Variants in FSIP2 observed in about 807,000 individuals in gnomAD.
FSIP2 encodes the protein fibrous sheath interacting protein 2.
A neutral mutation model predicts 510.5 loss-of-function variants in FSIP2; 367 were observed. The ratio of observed to expected loss-of-function variants is 0.72; its 90% CI spans 0.66 to 0.78. FSIP2 has a LOEUF of 0.78. FSIP2 is among the 30% of genes least tolerant of loss of function. The pLI is 0.00. For missense variants in FSIP2, 7,594 were observed against 7,901.7 expected (o/e 0.96, Z 1.48); for synonymous variants, 2,601 against 2,732.2 (o/e 0.95, Z 1.50).
chr2:185,812,319 G>A (rs910957322), intron 17 of FSIP2, among the ~76,000 whole-genome samples: 8 of 152,076 alleles, frequency 5.3e-5, no homozygotes, highest in African/African-American at 1.9e-4. Flanking sequence ...ACTGGGTTTT[G>A]GACTTGTTTG....
chr2:185,761,194 G>A (rs1397876468), intron 10 of FSIP2, 91 bp downstream of exon 10: 27 of 464,778 alleles, frequency 5.8e-5, no homozygotes, highest in Non-Finnish European at 4.8e-5. Context: ...CAGCAGCATA[G>A]TACTGATTGT....
At chr2:185,775,746 C>A (rs1398431677) in intron 13 of FSIP2, among the ~76,000 whole-genome samples, 1 of 152,140 alleles carries the variant, frequency 6.6e-6, no homozygotes, top group Non-Finnish European at 1.5e-5. Context: ...TCACTGCAAC[C>A]CCTGCCTCCT....
chr2:185,772,105 C>A (rs543806190), intron 13 of FSIP2, among the ~76,000 whole-genome samples: 14 of 152,310 alleles, frequency 9.2e-5, no homozygotes, highest in African/African-American at 3.4e-4. Context: ...TTTCTCATTT[C>A]CATCTGAAAT....
At chr2:185,775,643 T>G (rs546590826) in intron 13 of FSIP2, among the ~76,000 whole-genome samples, 18 of 152,118 alleles carry the variant, frequency 1.2e-4, no homozygotes, top group Admixed American at 8.5e-4. Context: ...CTTCCAAAAT[T>G]GTGGGTTTTT....
Position 185,804,321 on chromosome 2 carries a change from T to A in FSIP2, c.15015T>A (p.Asp5005Glu), listed in dbSNP as rs193247095. The change falls in exon 17 of 23, where the codon GAT becomes GAA. Residue 5005 changes from aspartate to glutamate, a missense_variant. By Grantham distance (45) the Asp-to-Glu change is conservative. Coordinates refer to ENST00000424728, the MANE Select transcript of FSIP2 (RefSeq NM_173651.4). ...CCACATCAGAGATTTTAGTTGCAGA[T>A]AACTTTGATAAAAATTTGTGTTTCT... Reference protein sequence around the residue: ...EFTTSEILVADNFDKNLCFSE... With the variant: ...EFTTSEILVAENFDKNLCFSE... The A allele has an allele frequency of 1.6e-4, 238 of 1,508,994 alleles. No individual in the cohort carries two copies. The African/African-American group carries it at 2.6e-3, about 17-fold the overall frequency. 93.5% of individuals were successfully genotyped at this position (1,508,994 alleles called of 1,614,324 possible). A position where few individuals can be genotyped will look rare whatever the true frequency, so the allele number is the denominator to read the frequency against.
chr2:185,739,649 T>C (rs1691882326), intron 2 of FSIP2, among the ~76,000 whole-genome samples, 178 bp downstream of exon 2: 1 of 152,226 alleles, frequency 6.6e-6, no homozygotes, highest in Non-Finnish European at 1.5e-5. Context: ...TTCATCTTAA[T>C]GGTTTGGACA....
At chr2:185,764,452 TA>T in intron 12 of FSIP2, 49 bp from the exon 13 acceptor site, 3 of 1,209,078 alleles carry the variant, frequency 2.5e-6, no homozygotes, top group Non-Finnish European at 3.5e-6. Context: ...GTTTGAGTCC[TA>T]AAATTTTTTT....
chr2:185,822,333 A>C (rs934713488), intron 19 of FSIP2, among the ~76,000 whole-genome samples: 1 of 151,976 alleles, frequency 6.6e-6, no homozygotes, highest in Non-Finnish European at 1.5e-5. Context: ...ACACCAAAAA[A>C]ATTGTTATAA....
At chr2:185,741,360 T>C (rs1248989496) in intron 2 of FSIP2, among the ~76,000 whole-genome samples, 4 of 152,200 alleles carry the variant, frequency 2.6e-5, no homozygotes, top group Admixed American at 1.3e-4. Context: ...TGGTTAATAG[T>C]CACCTTTTAA....
In FSIP2 at chr2:185,795,166, C is replaced by T. The variant is rs1269756958; in HGVS notation, c.8030C>T (p.Thr2677Ile). 24 of 1,532,540 alleles carry T rather than the reference C, an allele frequency of 1.6e-5. No individual in the cohort carries two copies. Among genetic ancestry groups the T allele is most frequent in the Non-Finnish European group, 1.9e-5 (22 of 1,145,452 alleles). The allele number at this position is 1,532,540 out of a possible 1,614,324, so 94.9% of individuals were successfully genotyped here. A position where few individuals can be genotyped will look rare whatever the true frequency, so the allele number is the denominator to read the frequency against. The change falls in exon 16 of 23, where the codon ACA becomes ATA. Residue 2677 changes from threonine to isoleucine, a missense_variant. By Grantham distance (89) the Thr-to-Ile change is moderately conservative. Coordinates refer to ENST00000424728, the MANE Select transcript of FSIP2 (RefSeq NM_173651.4). The stretch of plus-strand genomic sequence containing the variant: ...AAAATTACCACTTTGCCTAAATTTA[C>T]AAAAAAAACACACTTAGGACTGAGT... The part of the protein sequence containing the change: ...RSKITTLPKF[T>I]KKTHLGLSAA...
chr2:185,743,663 A>G (rs1419159190), intron 3 of FSIP2, among the ~76,000 whole-genome samples: 2 of 152,204 alleles, frequency 1.3e-5, no homozygotes, highest in Non-Finnish European at 2.9e-5. Flanking sequence ...TTGAGATGAA[A>G]CAGAAACTTA....
chr2:185,761,158 C>A (rs1052771575), intron 10 of FSIP2, 55 bp downstream of exon 10: 3 of 670,606 alleles, frequency 4.5e-6, no homozygotes, highest in Non-Finnish European at 7.2e-6. Context: ...ATCTACTTAA[C>A]TTTTATTTCT....
At position 185,753,714 on chromosome 2, in the gene FSIP2, T is replaced by C; in HGVS notation, c.871-8T>C. The C allele has an allele frequency of 9.2e-7, 1 of 1,087,582 alleles. No individual in the cohort carries two copies. The highest frequency in any genetic ancestry group is 1.3e-6 in the Non-Finnish European group (1 of 770,580). 67.4% of individuals were successfully genotyped at this position (1,087,582 alleles called of 1,614,324 possible). A position where few individuals can be genotyped will look rare whatever the true frequency, so the allele number is the denominator to read the frequency against. On this transcript the variant is annotated splice_polypyrimidine_tract_variant and splice_region_variant and intron_variant, in intron 7 of 22. Transcript: ENST00000424728. ...ATATTAACCAATATATTTTCTTTAA[T>C]ATTGTAGAAACAAGATCTTCTAGAG...
Position 185,789,242 on chromosome 2 carries a change from G to C in FSIP2, c.2106G>C (p.Gly702=), listed in dbSNP as rs930371544. 6.5e-7 allele frequency: 1 copy of C among 1,534,412 alleles called. No individual in the cohort carries two copies. Among genetic ancestry groups the C allele is most frequent in the Non-Finnish European group, 8.7e-7 (1 of 1,145,820 alleles). Residue 702 remains glycine, a synonymous_variant, in exon 16 of 23, where the codon GGG becomes GGC. Transcript: ENST00000424728. ...VFVNFKCYLK[G]ETEVILESIL... is the part of the protein sequence containing the mutation. ...TTAACTTTAAATGTTACTTGAAAGG[G>C]GAAACTGAAGTGATTTTAGAAAGCA...
chr2:185,809,134 G>GT lies in FSIP2; in HGVS notation c.19827+2dup, dbSNP rs1559036836. On this transcript the variant is annotated splice_donor_variant, in intron 17 of 22. Coordinates refer to ENST00000424728, the MANE Select transcript of FSIP2 (RefSeq NM_173651.4). LOFTEE classifies it high-confidence loss of function. ...AAGACTGGATGTAAAACCCCTAGAGGTAAGTGCAAAAGCAATGGCATGAAA... is the reference window on the plus strand; with the variant it reads ...AAGACTGGATGTAAAACCCCTAGAGGTTAAGTGCAAAAGCAATGGCATGAAA... 6.5e-7 allele frequency: 1 copy of GT among 1,548,792 alleles called. No homozygotes were observed. Among genetic ancestry groups the GT allele is most frequent in the Non-Finnish European group, 8.7e-7 (1 of 1,155,538 alleles).
At chr2:185,759,421 A>G in intron 9 of FSIP2, among the ~76,000 whole-genome samples, 1 of 145,174 alleles carries the variant, frequency 6.9e-6, no homozygotes, top group South Asian at 2.1e-4. Flanking sequence ...AATATATATT[A>G]TTAACATATT....
chr2:185,820,947 C>A (rs948195636), intron 19 of FSIP2, among the ~76,000 whole-genome samples: 18 of 133,202 alleles, frequency 1.4e-4, no homozygotes, highest in Middle Eastern at 4.8e-3. Flanking sequence ...AAAGATTAGA[C>A]CAGGAATAAA....
Position 185,795,689 on chromosome 2 carries a change from G to C in FSIP2, c.8553G>C (p.Lys2851Asn). The part of the protein sequence containing the change: ...FDKWQTESND[K>N]ENEKCKLLMI... ...AGTGGCAAACAGAATCAAATGACAA[G>C]GAAAATGAAAAATGTAAGCTATTGA... is the stretch of plus-strand genomic sequence containing the variant. The change falls in exon 16 of 23, where the codon AAG becomes AAC. Residue 2851 changes from lysine to asparagine, a missense_variant. Physicochemically the swap from Lys to Asn is moderately conservative, Grantham distance 94. Transcript: ENST00000424728. The C allele has an allele frequency of 6.5e-7, 1 of 1,531,204 alleles. No homozygotes were observed. The highest frequency in any genetic ancestry group is 2.5e-5 in the East Asian group (1 of 40,798). 94.9% of individuals were successfully genotyped at this position (1,531,204 alleles called of 1,614,324 possible).
At chr2:185,756,154 C>A in intron 8 of FSIP2, 38 bp from the exon 9 acceptor site, 1 of 825,082 alleles carries the variant, frequency 1.2e-6, no homozygotes. Context: ...CTGTCATCAT[C>A]ATAAGTAAAA....
Sources: gnomAD v4.1 joint callset for allele counts (sites outside exome capture counted in the v4.1 genomes callset) on GRCh38, gnomAD v4.1.1 for gene constraint, MANE v1.5 for transcripts, NCBI Gene and HGNC (gene_info 2026-07-23, HGNC 2026-07-21) for gene names.